Variants in GALNT13 observed in about 807,000 individuals in gnomAD.
The protein encoded by GALNT13 is UDP-GalNAc:polypeptide N-acetylgalactosaminyltransferase 13.
In GALNT13, 28 loss-of-function variants were observed where a neutral mutation model predicts 64.2. The ratio of observed to expected loss-of-function variants is 0.44; its 90% confidence interval spans 0.32 to 0.60. The LOEUF (loss-of-function observed/expected upper bound fraction) is 0.60, where lower values mean the gene tolerates loss of function less well. Ranked by LOEUF, GALNT13 falls within the 20% of genes least tolerant of loss-of-function variation. The pLI is 0.05. For synonymous variants in GALNT13, 214 were observed against 224.6 expected (o/e 0.95, Z 0.42); for missense variants, 577 against 669.8 (o/e 0.86, Z 1.53).
chr2:154,024,677 C>T (rs190858204), intron 3 of GALNT13, among the ~76,000 whole-genome samples: 12 of 152,096 alleles, frequency 7.9e-5, no homozygotes, highest in Non-Finnish European at 1.2e-4. Flanking sequence ...TCGTCTGAAG[C>T]CTTCTTCTCT....
intron 3 of GALNT13, among the ~76,000 whole-genome samples, chr2:154,051,323 G>A (rs1403790350): frequency 8.2e-6 from 1 of 122,230 alleles, no homozygotes; most frequent in Non-Finnish European, 1.6e-5. Flanking sequence ...TCGCTCTGTC[G>A]CCCAGGCCGG....
At chr2:154,024,997 G>A (rs1405669541) in intron 3 of GALNT13, among the ~76,000 whole-genome samples, 1 of 152,202 alleles carries the variant, frequency 6.6e-6, no homozygotes, top group Non-Finnish European at 1.5e-5. Context: ...AGCGGTGGCT[G>A]CAGAACAGCA....
At chr2:153,550,012 T>C in the GALNT13 span, among the ~76,000 whole-genome samples, 1 of 152,302 alleles carries the variant, frequency 6.6e-6, no homozygotes, top group African/African-American at 2.4e-5. Context: ...TTTCATGGGA[T>C]AGGTCCAAAT....
intron 9 of GALNT13, among the ~76,000 whole-genome samples, chr2:154,349,951 T>A (rs1696297985): frequency 6.6e-6 from 1 of 152,184 alleles, no homozygotes; most frequent in African/African-American, 2.4e-5. Flanking sequence ...GACTGTGCAG[T>A]TCAAAAACAG....
the GALNT13 span, among the ~76,000 whole-genome samples, chr2:153,267,900 T>A: frequency 6.6e-6 from 1 of 151,938 alleles, no homozygotes; most frequent in Non-Finnish European, 1.5e-5. Context: ...AACCTCTCAC[T>A]AGAACAGCAT....
the GALNT13 span, among the ~76,000 whole-genome samples, chr2:153,469,725 T>G: frequency 2.0e-5 from 3 of 152,158 alleles, no homozygotes; most frequent in Non-Finnish European, 4.4e-5. Flanking sequence ...AAAATAAGTT[T>G]GTTAAATCAG....
the GALNT13 span, among the ~76,000 whole-genome samples, chr2:153,164,348 T>C: frequency 6.6e-6 from 1 of 152,250 alleles, no homozygotes; most frequent in African/African-American, 2.4e-5. Flanking sequence ...ACATCTCATG[T>C]ACACACATCT....
At chr2:154,342,641 G>C (rs1040281450) in intron 9 of GALNT13, among the ~76,000 whole-genome samples, 2 of 151,986 alleles carry the variant, frequency 1.3e-5, no homozygotes, top group African/African-American at 4.8e-5. Context: ...TTGTTTCTGT[G>C]TTATGTATGA....
intron 3 of GALNT13, among the ~76,000 whole-genome samples, chr2:154,065,204 G>T (rs1050638936): frequency 6.6e-6 from 1 of 152,094 alleles, no homozygotes; most frequent in Non-Finnish European, 1.5e-5. Flanking sequence ...TGCCAGCTCA[G>T]CTGCAGTAGA....
chr2:153,156,588 G>A, the GALNT13 span, among the ~76,000 whole-genome samples: 4 of 152,212 alleles, frequency 2.6e-5, no homozygotes, highest in East Asian at 7.8e-4. Flanking sequence ...TAGTAGATTT[G>A]ATATATGTCA....
chr2:153,120,578 G>A, the GALNT13 span, among the ~76,000 whole-genome samples: 2 of 152,068 alleles, frequency 1.3e-5, no homozygotes, highest in South Asian at 2.1e-4. Context: ...AAAAATAATT[G>A]TCCAAGATAA....
chr2:153,515,230 C>G, the GALNT13 span, among the ~76,000 whole-genome samples: 6 of 152,112 alleles, frequency 3.9e-5, no homozygotes, highest in African/African-American at 1.4e-4. Flanking sequence ...CTTGATAGGT[C>G]ATAGAAACCA....
At chr2:153,847,062 A>G in the GALNT13 span, among the ~76,000 whole-genome samples, 1 of 152,132 alleles carries the variant, frequency 6.6e-6, no homozygotes, top group African/African-American at 2.4e-5. Context: ...TGTATTCCCT[A>G]TAAAAACTAA....
intron 3 of GALNT13, among the ~76,000 whole-genome samples, chr2:154,018,416 T>C (rs1424224108): frequency 3.3e-5 from 5 of 152,186 alleles, no homozygotes; most frequent in African/African-American, 9.7e-5. Flanking sequence ...AATTTGGAAT[T>C]GGGTCTCATA....
Position 154,071,057 on chromosome 2 carries a change from T to A in GALNT13, c.143-69280T>A, listed in dbSNP as rs545552009. Among the ~76,000 whole-genome samples the A allele has an allele frequency of 2.0e-5, 3 of 152,290 alleles. No individual in the cohort carries two copies. In the South Asian group the frequency reaches 6.2e-4, roughly 32 times the overall value. ...AGTTGGATTTCTGTATTTGGTTGTC[T>A]TTTCTAAAACTCCTGGAACTAATCA... On this transcript the variant is annotated intron_variant, in intron 3 of 12. Coordinates refer to ENST00000392825, the MANE Select transcript of GALNT13 (RefSeq NM_052917.4).
At chr2:153,721,381 G>T in the GALNT13 span, among the ~76,000 whole-genome samples, 20 of 141,112 alleles carry the variant, frequency 1.4e-4, no homozygotes, top group African/African-American at 3.4e-4. Flanking sequence ...AGACCATCGA[G>T]ACTAGGAAGA....
the GALNT13 span, among the ~76,000 whole-genome samples, chr2:153,633,010 T>G: frequency 6.6e-6 from 1 of 151,960 alleles, no homozygotes; most frequent in African/African-American, 2.4e-5. Context: ...ATCCACCCGC[T>G]TCGGCCTCCC....
At chr2:153,617,688 T>C in the GALNT13 span, among the ~76,000 whole-genome samples, 13 of 149,842 alleles carry the variant, frequency 8.7e-5, no homozygotes, top group East Asian at 2.5e-3. Flanking sequence ...GGTCCCAGGC[T>C]TTTTTTTTAC....
chr2:153,937,783 A>T (rs1350447752), intron 2 of GALNT13, among the ~76,000 whole-genome samples: 2 of 152,196 alleles, frequency 1.3e-5, no homozygotes, highest in Non-Finnish European at 2.9e-5. Context: ...AGTTGCTAGA[A>T]AGGAGTACAC....
Sources: gnomAD v4.1 joint callset for allele counts (sites outside exome capture counted in the v4.1 genomes callset) on GRCh38, gnomAD v4.1.1 for gene constraint, MANE v1.5 for transcripts, NCBI Gene and HGNC (gene_info 2026-07-23, HGNC 2026-07-21) for gene names.